Variants in WDR26 observed in about 807,000 individuals in gnomAD.
WDR26 encodes the protein WD repeat-containing protein 26.
WDR26 carries 5 observed loss-of-function variants against 84.1 expected under a neutral mutation model. The observed-to-expected ratio is 0.06, with a 90% CI of 0.03 to 0.13. The LOEUF is 0.13. Among genes scored for constraint, WDR26 ranks in the 10% least tolerant of loss-of-function variants. The probability of loss-of-function intolerance (pLI) is 1.00; values close to 1 mark genes in which losing one functional copy is unlikely to be tolerated. For missense variants in WDR26, 642 were observed against 974.9 expected, an observed-to-expected ratio of 0.66 and a Z score of 4.55; for synonymous variants, 415 against 389.6, an observed-to-expected ratio of 1.07 and a Z score of -0.77.
intron 9 of WDR26, 57 bp downstream of exon 9, chr1:224,400,893 A>T (rs1353207780): frequency 6.3e-7 from 1 of 1,590,936 alleles, no homozygotes; most frequent in African/African-American, 1.4e-5. Context: ...TTGTTTAAAC[A>T]AAAGTACATT....
intron 7 of WDR26, 105 bp from the exon 8 acceptor site, chr1:224,404,675 T>C: frequency 7.2e-7 from 1 of 1,391,486 alleles, no homozygotes; most frequent in Non-Finnish European, 9.6e-7. Context: ...TAATTTAATC[T>C]GAGGAAATTT....
intron 3 of WDR26, among the ~76,000 whole-genome samples, chr1:224,425,767 C>G (rs2102920658): frequency 6.6e-6 from 1 of 152,228 alleles, no homozygotes; most frequent in South Asian, 2.1e-4. Context: ...AAATGTTAGT[C>G]ATATTTAGAG....
intron 7 of WDR26, 91 bp downstream of exon 7, chr1:224,411,336 T>A: frequency 2.2e-6 from 3 of 1,341,778 alleles, no homozygotes; most frequent in Non-Finnish European, 3.0e-6. Flanking sequence ...AGAATACTAT[T>A]GATACATATA....
At chr1:224,390,734 C>T (rs546780375) in intron 13 of WDR26, among the ~76,000 whole-genome samples, 1 of 152,192 alleles carries the variant, frequency 6.6e-6, no homozygotes, top group African/African-American at 2.4e-5. Flanking sequence ...TGCACCACTG[C>T]ACTTCAGCCT....
Position 224,389,513 on chromosome 1 carries a change from C to T in WDR26, c.*322G>A. ...CACAGAAGAGCAACAAGAATGGTAT[C>T]CTGCCAGACAAAAGACAGGAAGGAA... On this transcript the variant is annotated 3_prime_UTR_variant, in exon 14 of 14. Coordinates refer to ENST00000414423, the MANE Select transcript of WDR26 (RefSeq NM_001379403.1). The T allele has an allele frequency of 3.9e-6, 2 of 507,812 alleles. No homozygotes were observed. The highest frequency in any genetic ancestry group is 3.3e-5 in the South Asian group (1 of 30,714). 31.5% of individuals were successfully genotyped at this position (507,812 alleles called of 1,614,324 possible).
At chr1:224,419,455 G>T (rs1673993951) in intron 5 of WDR26, 63 bp downstream of exon 5, 1 of 1,232,432 alleles carries the variant, frequency 8.1e-7, no homozygotes, top group South Asian at 1.2e-5. Flanking sequence ...CTTCCTAATT[G>T]ATCACTGTAT....
At chr1:224,409,419 C>T (rs1051104743) in intron 7 of WDR26, among the ~76,000 whole-genome samples, 2 of 152,072 alleles carry the variant, frequency 1.3e-5, no homozygotes, top group African/African-American at 4.8e-5. Context: ...CATAGGTTTG[C>T]CAAACTGCCA....
At chr1:224,418,626 G>C (rs1040014900) in intron 5 of WDR26, among the ~76,000 whole-genome samples, 1 of 152,130 alleles carries the variant, frequency 6.6e-6, no homozygotes, top group East Asian at 1.9e-4. Flanking sequence ...ATATTTGGTG[G>C]GAGGGGTTTA....
At chr1:224,429,890 T>C (rs1266811690) in intron 3 of WDR26, 6 of 152,152 alleles carry the variant, frequency 3.9e-5, no homozygotes, top group African/African-American at 1.4e-4. Context: ...AAATAGGAAG[T>C]AAGCCTATTA....
At chr1:224,394,073 A>C in intron 12 of WDR26, 60 bp from the exon 13 acceptor site, 1 of 1,309,162 alleles carries the variant, frequency 7.6e-7, no homozygotes, top group East Asian at 2.4e-5. Flanking sequence ...AACTGATCTT[A>C]AATTTATCAT....
chr1:224,404,556 T>C lies in WDR26; in HGVS notation c.1473A>G (p.Leu491=). The change falls in exon 8 of 14, where the codon CTA becomes CTG. Residue 491 remains leucine (L), a synonymous_variant. Transcript: ENST00000414423. ...GTCCTTCTAATGTTTTAAGCAGTTT[T>C]AGCAGGTGTGTATCCTGGGAGGGAA... 6.2e-7 allele frequency: 1 copy of C among 1,613,040 alleles called. No individual in the cohort carries two copies. The highest frequency in any genetic ancestry group is 8.5e-7 in the Non-Finnish European group (1 of 1,179,392).
At chr1:224,427,127 A>AAAAAAAAC (rs1674253717) in intron 3 of WDR26, among the ~76,000 whole-genome samples, 1 of 150,038 alleles carries the variant, frequency 6.7e-6, no homozygotes, top group African/African-American at 2.4e-5. Flanking sequence ...AAAAAAAAAA[A>AAAAAAAAC]GTTTCATTCC....
At chr1:224,416,255 T>C (rs902257268) in intron 6 of WDR26, among the ~76,000 whole-genome samples, 2 of 151,776 alleles carry the variant, frequency 1.3e-5, no homozygotes, top group African/African-American at 4.8e-5. Flanking sequence ...TGAGATGAAG[T>C]CTCACTCTGT....
At chr1:224,395,702 G>A (rs1673241150) in intron 12 of WDR26, among the ~76,000 whole-genome samples, 1 of 152,038 alleles carries the variant, frequency 6.6e-6, no homozygotes, top group African/African-American at 2.4e-5. Flanking sequence ...AAGTGTGAAT[G>A]CAATTGAATA....
rs925227919 is a variant in WDR26 at position 224,385,626 on chromosome 1, T to G, written c.*4209A>C. ...AATTTAGAAATCTTGAGATCAACAC[T>G]TAAGTTCTTTTCTTGATCTCTACAG... is the stretch of plus-strand genomic sequence containing the variant. On this transcript the variant is annotated 3_prime_UTR_variant, in exon 14 of 14. Transcript: ENST00000414423. 5 of 152,656 alleles carry G rather than the reference T, an allele frequency of 3.3e-5. No homozygotes were observed. Among genetic ancestry groups the G allele is most frequent in the Admixed American group, 1.3e-4 (2 of 15,282 alleles). The allele number at this position is 152,656 out of a possible 1,614,324, so 9.5% of individuals were successfully genotyped here.
At chr1:224,419,159 A>G (rs1418915006) in intron 5 of WDR26, among the ~76,000 whole-genome samples, 2 of 152,248 alleles carry the variant, frequency 1.3e-5, no homozygotes, top group Non-Finnish European at 2.9e-5. Flanking sequence ...ATTTACCTAA[A>G]GAAACCTGGA....
At chr1:224,395,606 GA>G (rs10717023) in intron 12 of WDR26, among the ~76,000 whole-genome samples, 59,206 of 134,800 alleles carry the variant, frequency 0.44, 13,953 homozygotes, top group African/African-American at 0.68. Context: ...ATGAAATTAG[GA>G]AAAAAAAAAA....
At chr1:224,427,358 C>T (rs2102922228) in intron 3 of WDR26, among the ~76,000 whole-genome samples, 1 of 151,968 alleles carries the variant, frequency 6.6e-6, no homozygotes, top group Non-Finnish European at 1.5e-5. Flanking sequence ...CTCCTATGCC[C>T]ACCCCTCCCC....
rs535751627 is a variant in WDR26 at position 224,387,507 on chromosome 1, T to TA, written c.*2327dup. On this transcript the variant is annotated 3_prime_UTR_variant, in exon 14 of 14. Transcript: ENST00000414423. Reference sequence around the variant, plus strand: ...CGTTTTAATAGGAGTTATGTTCTTGTAAAATGTGCCTCACTTTTACTCCAC... The same window carrying TA: ...CGTTTTAATAGGAGTTATGTTCTTGTAAAAATGTGCCTCACTTTTACTCCAC... The TA allele has an allele frequency of 2.6e-5, 4 of 152,648 alleles. No individual in the cohort carries two copies. The highest frequency in any genetic ancestry group is 6.5e-5 in the Admixed American group (1 of 15,282). 9.5% of individuals were successfully genotyped at this position (152,648 alleles called of 1,614,324 possible). A position where few individuals can be genotyped will look rare whatever the true frequency, so the allele number is the denominator to read the frequency against.
Sources: allele counts gnomAD v4.1 joint callset (sites outside exome capture counted in the v4.1 genomes callset), GRCh38; gene constraint gnomAD v4.1.1; transcripts MANE v1.5; gene names NCBI Gene and HGNC (gene_info 2026-07-23, HGNC 2026-07-21).